The following ARHGEF25 variants were observed in gnomAD, a reference collection of about 807,000 sequenced individuals.
ARHGEF25 encodes RAC/CDC42 exchange factor.
In ARHGEF25, 42 loss-of-function variants were observed where a neutral mutation model predicts 74.0. The ratio of observed to expected loss-of-function variants is 0.57; its 90% CI spans 0.44 to 0.73. The LOEUF (loss-of-function observed/expected upper bound fraction) is 0.73, where lower values mean the gene tolerates loss of function less well. Among genes scored for constraint, ARHGEF25 ranks in the 30% least tolerant of loss-of-function variants. ARHGEF25 has a pLI of 0.00. For missense variants in ARHGEF25, 645 were observed against 725.5 expected (o/e 0.89, Z 1.27); for synonymous variants, 293 against 278.6 (o/e 1.05, Z -0.51).
chr12:57,611,945 A>C lies in ARHGEF25; in HGVS notation c.51A>C (p.Arg17=). The change falls in exon 1 of 15, where the codon CGA becomes CGC. Residue 17 remains arginine (R), a synonymous_variant. Transcript: ENST00000286494. This position sits in a 1 kb window ranked among gnomAD's most constrained non-coding sequence, Gnocchi z 4.5. ...GCTGTGCCTGTCCCCGTGTGATCCG[A>C]AAAGTGCTGGCAAAATGCGGCTGCT... ...GGRCACPRVI[R]KVLAKCGCCF... 1 of 1,309,110 alleles carries C rather than the reference A, an allele frequency of 7.6e-7. No homozygotes were observed. Among genetic ancestry groups the C allele is most frequent in the Non-Finnish European group, 9.8e-7 (1 of 1,019,900 alleles). The allele number at this position is 1,309,110 out of a possible 1,614,324, so 81.1% of individuals were successfully genotyped here. A position where few individuals can be genotyped will look rare whatever the true frequency, so the allele number is the denominator to read the frequency against.
At position 57,613,236 on chromosome 12, in the gene ARHGEF25, CCT is replaced by C. The variant is rs1412229755; in HGVS notation, c.313-25_313-24del. The C allele has an allele frequency of 3.1e-6, 5 of 1,613,102 alleles. No individual in the cohort carries two copies. The Admixed American group carries it at 6.7e-5, about 22-fold the overall frequency. On this transcript the variant is annotated intron_variant, in intron 2 of 14. Transcript: ENST00000286494. ...GGGGCCACCCAGCTACTGTCCCCGA[CCT>C]CTGACACTTGATTTCTGGCCCCCAG...
chr12:57,614,071 A>G lies in ARHGEF25; in HGVS notation c.608A>G (p.Asp203Gly). The G allele has an allele frequency of 6.2e-7, 1 of 1,614,128 alleles. No individual in the cohort carries two copies. Among genetic ancestry groups the G allele is most frequent in the Non-Finnish European group, 8.5e-7 (1 of 1,180,006 alleles). Reference protein sequence around the residue: ...QGVPESLRGRDRIVFGNIQQI... With the variant: ...QGVPESLRGRGRIVFGNIQQI... ...GTCCCCGAGAGTCTTCGAGGCCGTGACAGGATTGTGTTTGGGAATATCCAG... is the reference window on the plus strand; with the variant it reads ...GTCCCCGAGAGTCTTCGAGGCCGTGGCAGGATTGTGTTTGGGAATATCCAG... Residue 203 changes from aspartate (D) to glycine (G), a missense_variant, in exon 6 of 15, where the codon GAC (aspartate) becomes GGC (glycine). Asp to Gly is a moderately conservative substitution (Grantham distance 94). Transcript: ENST00000286494. The surrounding 1 kb of genome is among the most constrained non-coding windows in gnomAD (Gnocchi z 4.6).
At position 57,616,330 on chromosome 12, in the gene ARHGEF25, C is replaced by A. The variant is rs781721813; in HGVS notation, c.1467C>A (p.Asn489Lys). ...IEYQRRESQT[N>K]SLGRPRGPGV... is the part of the protein sequence containing the mutation. ...ACCAGAGACGGGAGAGCCAGACCAA[C>A]AGCCTGGGGCGGCCAAGAGGGCCTG... Residue 489 changes from asparagine to lysine, a missense_variant, in exon 14 of 15, where the codon AAC becomes AAA. Around this residue, in one of 3 missense-constraint regions of ARHGEF25, gnomAD observed 262 missense variants for 256.9 expected, o/e 1.02. Coordinates refer to ENST00000286494, the MANE Select transcript of ARHGEF25 (RefSeq NM_182947.4). 1 of 1,613,830 alleles carries A rather than the reference C, an allele frequency of 6.2e-7. No homozygotes were observed. Among genetic ancestry groups the A allele is most frequent in the Admixed American group, 1.7e-5 (1 of 60,006 alleles).
Position 57,616,404 on chromosome 12 carries a change from G to GCA in ARHGEF25, c.1551_1552dup (p.Pro518HisfsTer67), listed in dbSNP as rs752741112. The GCA allele has an allele frequency of 1.9e-6, 3 of 1,613,712 alleles. No individual in the cohort carries two copies. The African/African-American group carries it at 4.0e-5, about 22-fold the overall frequency. ...CAGCTTGGAGATCAGGCCCAGGGCAGCACACACACACCCATCAATGGCTCT... is the reference window on the plus strand; with the variant it reads ...CAGCTTGGAGATCAGGCCCAGGGCAGCACACACACACACCCATCAATGGCTCT... On this transcript the variant is annotated frameshift_variant, in exon 14 of 15. Transcript: ENST00000286494. LOFTEE classifies it high-confidence loss of function.
Position 57,611,621 on chromosome 12 carries a change from G to T in ARHGEF25, c.-274G>T, listed in dbSNP as rs1384307743. On this transcript the variant is annotated 5_prime_UTR_variant, in exon 1 of 15. Transcript: ENST00000286494. This position sits in a 1 kb window ranked among gnomAD's most constrained non-coding sequence, Gnocchi z 4.5. ...CTTCCACTGGACATCTGGACCCTAG[G>T]CCCCCGCACCGACAGGGTTCCGGAA... 5 of 1,043,590 alleles carry T rather than the reference G, an allele frequency of 4.8e-6. No individual in the cohort carries two copies. The highest frequency in any genetic ancestry group is 5.8e-6 in the Non-Finnish European group (5 of 867,778). 64.6% of individuals were successfully genotyped at this position (1,043,590 alleles called of 1,614,324 possible). A position where few individuals can be genotyped will look rare whatever the true frequency, so the allele number is the denominator to read the frequency against.
chr12:57,610,233 GC>G, upstream of ARHGEF25: 1 of 1,598,940 alleles, frequency 6.3e-7, no homozygotes, highest in Non-Finnish European at 8.5e-7. Flanking sequence ...CCCCCGGACC[GC>G]CCCGCCCCTG....
At chr12:57,615,198 T>C (rs775711219) in intron 10 of ARHGEF25, 39 bp from the exon 11 acceptor site, 2 of 1,573,682 alleles carry the variant, frequency 1.3e-6, no homozygotes, top group East Asian at 2.2e-5. Flanking sequence ...ATAATGACTC[T>C]CTTCGCCCAA....
In ARHGEF25 at chr12:57,614,562, A is replaced by C. The variant is rs756826304; in HGVS notation, c.773A>C (p.Lys258Thr). The C allele has an allele frequency of 1.2e-6, 2 of 1,613,846 alleles. No homozygotes were observed. Among genetic ancestry groups the C allele is most frequent in the South Asian group, 2.2e-5 (2 of 91,060 alleles). Reference sequence around the variant, plus strand: ...GTGGTGTACTGTCAGAATAAGCCCAAGTCAGAGCATGTGGTGTCAGAGTTT... The same window carrying C: ...GTGGTGTACTGTCAGAATAAGCCCACGTCAGAGCATGTGGTGTCAGAGTTT... The part of the protein sequence containing the change: ...MYVVYCQNKP[K>T]SEHVVSEFGD... The change falls in exon 8 of 15, where the codon AAG becomes ACG. Residue 258 changes from lysine (K) to threonine (T), a missense_variant. By Grantham distance (78) the Lys-to-Thr change is moderately conservative (BLOSUM62 -1). Transcript: ENST00000286494. The surrounding 1 kb of genome is among the most constrained non-coding windows in gnomAD (Gnocchi z 4.6).
chr12:57,612,924 C>G lies in ARHGEF25; in HGVS notation c.98-6C>G. The G allele has an allele frequency of 6.2e-7, 1 of 1,612,554 alleles. No individual in the cohort carries two copies. Among genetic ancestry groups the G allele is most frequent in the East Asian group, 2.2e-5 (1 of 44,844 alleles). The stretch of plus-strand genomic sequence containing the variant: ...CTATCACCTCCTCTCTTTTTCCTCC[C>G]ATTAGAATCCTATTCCATTGCGGGC... On this transcript the variant is annotated splice_polypyrimidine_tract_variant and splice_region_variant and intron_variant, in intron 1 of 14. Transcript: ENST00000286494.
chr12:57,613,898 G>T, intron 5 of ARHGEF25, 118 bp from the exon 6 acceptor site: 1 of 1,474,034 alleles, frequency 6.8e-7, no homozygotes. Flanking sequence ...TCTGGGGGCA[G>T]GGCGGCTCCC....
chr12:57,610,277 G>T (rs757546401), upstream of ARHGEF25: 13 of 1,583,402 alleles, frequency 8.2e-6, no homozygotes, highest in South Asian at 1.1e-5. Context: ...GGTCATGGGG[G>T]GCATGCTGCG....
At position 57,613,454 on chromosome 12, in the gene ARHGEF25, G is replaced by T; in HGVS notation, c.423G>T (p.Glu141Asp). ...TTTCCTTCCAGCCACCTGAAGAGGA[G>T]ACTTTGTCCCAAGCCCCTGAGAGTG... Reference protein sequence around the residue: ...PGDKTQPPEEETLSQAPESEE... With the variant: ...PGDKTQPPEEDTLSQAPESEE... The change falls in exon 4 of 15, where the codon GAG becomes GAT. Residue 141 changes from glutamate to aspartate, a missense_variant. By Grantham distance (45) the Glu-to-Asp change is conservative (BLOSUM62 2). Coordinates refer to ENST00000286494, the MANE Select transcript of ARHGEF25 (RefSeq NM_182947.4). The T allele has an allele frequency of 6.2e-7, 1 of 1,614,244 alleles. No individual in the cohort carries two copies. The highest frequency in any genetic ancestry group is 1.1e-5 in the South Asian group (1 of 91,080).
In ARHGEF25 at chr12:57,615,914, T is replaced by G; in HGVS notation, c.1317T>G (p.Gly439=). ...RFALTSRGPE[G]GIQRYVLQAA... ...CACTGACCTCCAGAGGGCCAGAGGG[T>G]GGGATCCAGCGCTATGTCCTGCAGG... Residue 439 remains glycine (G), a synonymous_variant, in exon 13 of 15, where the codon GGT becomes GGG. Coordinates refer to ENST00000286494, the MANE Select transcript of ARHGEF25 (RefSeq NM_182947.4). 6.2e-7 allele frequency: 1 copy of G among 1,614,126 alleles called. No individual in the cohort carries two copies. Among genetic ancestry groups the G allele is most frequent in the Non-Finnish European group, 8.5e-7 (1 of 1,180,002 alleles).
chr12:57,610,258 G>T (rs1361420051), upstream of ARHGEF25: 4 of 1,594,034 alleles, frequency 2.5e-6, no homozygotes, highest in Admixed American at 6.9e-5. Flanking sequence ...GCACTGACCG[G>T]ATACTGGGGG....
upstream of ARHGEF25, chr12:57,611,334 G>A: frequency 3.3e-6 from 2 of 611,708 alleles, no homozygotes; most frequent in African/African-American, 4.0e-5. The surrounding 1 kb of genome is among the most constrained non-coding windows in gnomAD (Gnocchi z 4.5). Context: ...AGGGGCGATC[G>A]GGGCGGGAAC....
chr12:57,611,784 A>C lies in ARHGEF25; in HGVS notation c.-111A>C. On this transcript the variant is annotated 5_prime_UTR_variant, in exon 1 of 15. Coordinates refer to ENST00000286494, the MANE Select transcript of ARHGEF25 (RefSeq NM_182947.4). This position sits in a 1 kb window ranked among gnomAD's most constrained non-coding sequence, Gnocchi z 4.5. Reference sequence around the variant, plus strand: ...TCCCTCCCCCCCTCCCACAGCCTGGACCGGGGTAGGAGGGAGGGGGGGTGT... The same window carrying C: ...TCCCTCCCCCCCTCCCACAGCCTGGCCCGGGGTAGGAGGGAGGGGGGGTGT... 12 of 1,103,552 alleles carry C rather than the reference A, an allele frequency of 1.1e-5. No individual in the cohort carries two copies. Among genetic ancestry groups the C allele is most frequent in the Non-Finnish European group, 1.0e-5 (9 of 884,090 alleles). 68.4% of individuals were successfully genotyped at this position (1,103,552 alleles called of 1,614,324 possible). A position where few individuals can be genotyped will look rare whatever the true frequency, so the allele number is the denominator to read the frequency against.
chr12:57,616,113 T>C, intron 13 of ARHGEF25, 96 bp downstream of exon 13: 1 of 1,504,498 alleles, frequency 6.6e-7, no homozygotes, highest in Non-Finnish European at 9.0e-7. Context: ...CCTCTGACCA[T>C]GGCCCATCCC....
At chr12:57,613,878 A>G (rs1028521586) in intron 5 of ARHGEF25, 118 bp downstream of exon 5, 2 of 1,488,590 alleles carry the variant, frequency 1.3e-6, no homozygotes. Flanking sequence ...CCACTCCTGG[A>G]CCTTCCTACT....
At chr12:57,610,496 G>T, upstream of ARHGEF25, 1 of 1,315,202 alleles carries the variant, frequency 7.6e-7, no homozygotes, top group Non-Finnish European at 1.0e-6. Flanking sequence ...GGTTTTGACA[G>T]GTAGGAGAAG....
Sources: gnomAD v4.1 joint callset for allele counts on GRCh38, gnomAD v4.1.1 for gene constraint, gnomAD v4.1.1 regional missense constraint, Gnocchi (gnomAD v3.1) non-coding constraint, MANE v1.5 for transcripts, NCBI Gene and HGNC (gene_info 2026-07-23, HGNC 2026-07-21) for gene names.